Variants in PIWIL3 observed in about 807,000 individuals in gnomAD.
The protein encoded by PIWIL3 is piwi like RNA-mediated gene silencing 3, also known as piwi-like protein 3.
A neutral mutation model predicts 109.7 loss-of-function variants in PIWIL3; 101 were observed. The ratio of observed to expected loss-of-function variants is 0.92; its 90% CI spans 0.78 to 1.09. The LOEUF (loss-of-function observed/expected upper bound fraction) is 1.09. PIWIL3 is among the 50% of genes least tolerant of loss of function. The pLI, the probability that PIWIL3 is intolerant of heterozygous loss-of-function variation, is 0.00. For synonymous variants in PIWIL3, 373 were observed against 376.4 expected (o/e 0.99, Z 0.10); for missense variants, 1,031 against 1,072.6 (o/e 0.96, Z 0.54).
intron 4 of PIWIL3, 93 bp from the exon 5 acceptor site, chr22:24,756,798 G>A (rs1459117248): frequency 8.9e-7 from 1 of 1,126,508 alleles, no homozygotes; most frequent in Non-Finnish European, 1.3e-6. Context: ...CCAAAGTTAG[G>A]GCTGGGCACG....
chr22:24,729,352 C>T (rs946118009), intron 14 of PIWIL3, among the ~76,000 whole-genome samples: 17 of 152,078 alleles, frequency 1.1e-4, no homozygotes, highest in African/African-American at 2.7e-4. Flanking sequence ...CCGCAGACGA[C>T]GAGACGGTTT....
At chr22:24,741,551 C>A (rs961631300) in intron 12 of PIWIL3, among the ~76,000 whole-genome samples, 3 of 152,052 alleles carry the variant, frequency 2.0e-5, no homozygotes, top group Non-Finnish European at 4.4e-5. Context: ...CCACAAAAAA[C>A]AAACCACCTC....
intron 1 of PIWIL3, 63 bp from the exon 2 acceptor site, chr22:24,762,584 G>T (rs1925504064): frequency 1.5e-6 from 2 of 1,328,232 alleles, no homozygotes; most frequent in South Asian, 1.5e-5. Context: ...TCTCTTTAGG[G>T]TTGCTACAAC....
In PIWIL3 at chr22:24,756,231, TA is replaced by T. The variant is rs149137241; in HGVS notation, c.570+259del. ...GAAGTTTCAAAGGAAACAAATAGAA[TA>T]AAAAAAAAAGTATCCAAACTTTGTC... On this transcript the variant is annotated intron_variant, in intron 5 of 20. Transcript: ENST00000616349. 2.1e-4 allele frequency among the ~76,000 whole-genome samples: 31 copies of T among 148,944 alleles called. No homozygotes were observed. The South Asian group carries it at 2.7e-3, about 13-fold the overall frequency.
chr22:24,724,914 G>C lies in PIWIL3; in HGVS notation c.2204C>G (p.Thr735Ser), dbSNP rs144367844. The C allele has an allele frequency of 6.2e-6, 10 of 1,613,994 alleles. No homozygotes were observed. Among genetic ancestry groups the C allele is most frequent in the African/African-American group, 1.3e-5 (1 of 75,010 alleles). Residue 735 changes from threonine (T) to serine (S), a missense_variant, in exon 18 of 21, where the codon ACC (threonine) becomes AGC (serine). Thr to Ser is a moderately conservative substitution (Grantham distance 58). Coordinates refer to ENST00000616349, the MANE Select transcript of PIWIL3 (RefSeq NM_001255975.1). ...GTTAGGAGAGATGGTTTTTAAGTAG[G>C]TCGACATCTTTTTCGCTTCATGGTC... ...LLDHEAKKMS[T>S]YLKTISPNNF... is the part of the protein sequence containing the mutation.
At chr22:24,752,805 T>C (rs774836170) in intron 8 of PIWIL3, among the ~76,000 whole-genome samples, 5 of 152,178 alleles carry the variant, frequency 3.3e-5, no homozygotes, top group African/African-American at 7.2e-5. Flanking sequence ...ACGAGAGAGT[T>C]GCTTCTGATC....
At chr22:24,754,304 G>A (rs527315160) in intron 7 of PIWIL3, 87 bp from the exon 8 acceptor site, 5 of 1,044,328 alleles carry the variant, frequency 4.8e-6, no homozygotes, top group Non-Finnish European at 5.6e-6. Context: ...CTAAAAATTG[G>A]TACTTAGGAG....
chr22:24,756,972 G>A (rs1382323599), intron 4 of PIWIL3, among the ~76,000 whole-genome samples: 6 of 151,336 alleles, frequency 4.0e-5, no homozygotes, highest in East Asian at 1.9e-4. Flanking sequence ...CCAGCTACTC[G>A]GAAGGCTGAG....
At chr22:24,758,621 C>T (rs1392410403) in intron 3 of PIWIL3, among the ~76,000 whole-genome samples, 2 of 152,186 alleles carry the variant, frequency 1.3e-5, no homozygotes, top group African/African-American at 4.8e-5. Context: ...AAATCCCGTA[C>T]ACCTAAATGG....
intron 12 of PIWIL3, among the ~76,000 whole-genome samples, chr22:24,736,785 TG>T (rs1398934605): frequency 1.3e-5 from 2 of 152,200 alleles, no homozygotes; most frequent in African/African-American, 4.8e-5. Context: ...ACAGCAACTG[TG>T]AGGCTTTGCA....
intron 8 of PIWIL3, among the ~76,000 whole-genome samples, chr22:24,753,200 T>C (rs996252869): frequency 2.6e-5 from 4 of 152,144 alleles, no homozygotes; most frequent in Non-Finnish European, 5.9e-5. Flanking sequence ...CTGCTTTGAG[T>C]GGCTTATCTA....
intron 19 of PIWIL3, 27 bp downstream of exon 19, chr22:24,723,103 C>G (rs202031826): frequency 1.2e-6 from 2 of 1,604,162 alleles, no homozygotes; most frequent in East Asian, 4.5e-5. Flanking sequence ...ATCATAGAAC[C>G]ATGTGCAAAA....
rs1278000144 is a variant in PIWIL3, at chr22:24,728,216, A to G, written c.1866T>C (p.Asn622=). ...TIVTKIAQQM[N]CKMGGALWKV... ...TCCAGAGGGCTCCTCCCATCTTGCA[A>G]TTCATCTGCTGGGCAATCTTGGTGA... Residue 622 remains asparagine, a synonymous_variant, in exon 15 of 21, where the codon AAT becomes AAC. Transcript: ENST00000616349. 7 of 1,614,066 alleles carry G rather than the reference A, an allele frequency of 4.3e-6. No individual in the cohort carries two copies. The highest frequency in any genetic ancestry group is 5.1e-6 in the Non-Finnish European group (6 of 1,180,042).
intron 4 of PIWIL3, among the ~76,000 whole-genome samples, chr22:24,757,079 C>CAAAAAAAAAAAAA (rs71189275): frequency 4.0e-4 from 37 of 91,716 alleles, no homozygotes; most frequent in African/African-American, 9.0e-4. Context: ...AACTCCGTCT[C>CAAAAAAAAAAAAA]AAAAAAAAAA....
At chr22:24,726,423 C>CAG (rs1316252427) in intron 16 of PIWIL3, among the ~76,000 whole-genome samples, 3 of 152,000 alleles carry the variant, frequency 2.0e-5, no homozygotes. Context: ...GCTGGGACTA[C>CAG]AGGCGCCCAC....
chr22:24,735,628 C>A, intron 13 of PIWIL3, 80 bp downstream of exon 13: 2 of 1,354,406 alleles, frequency 1.5e-6, no homozygotes, highest in Non-Finnish European at 2.0e-6. Context: ...GTGACCAATT[C>A]CTACAATTTA....
At chr22:24,739,715 A>G (rs6004255) in intron 12 of PIWIL3, among the ~76,000 whole-genome samples, 98,529 of 151,858 alleles carry the variant, frequency 0.65, 32,398 homozygotes, top group East Asian at 0.82. Context: ...GAAAAAGAGG[A>G]ATGTTGAGGA....
rs1314980550 is a variant in PIWIL3 at position 24,756,536 on chromosome 22, T to C, written c.525A>G (p.Ile175Met). Reference protein sequence around the residue: ...QHRRKFGERHIFDGNSLLLSR... With the variant: ...QHRRKFGERHMFDGNSLLLSR... The stretch of plus-strand genomic sequence containing the variant: ...ATAATAATAAAGAGTTTCCATCAAA[T>C]ATATGGCGCTCTCCAAATTTCCTTC... Residue 175 changes from isoleucine (I) to methionine (M), a missense_variant, in exon 5 of 21, where the codon ATA (isoleucine) becomes ATG (methionine). Transcript: ENST00000616349. 6.2e-7 allele frequency: 1 copy of C among 1,614,172 alleles called. No homozygotes were observed.
intron 12 of PIWIL3, among the ~76,000 whole-genome samples, chr22:24,743,717 T>C (rs1924143858): frequency 1.3e-5 from 2 of 152,112 alleles, no homozygotes; most frequent in African/African-American, 4.8e-5. Flanking sequence ...TTCAGTACAG[T>C]GTACACTGCT....
Sources: gnomAD v4.1 joint callset for allele counts (sites outside exome capture counted in the v4.1 genomes callset) on GRCh38, gnomAD v4.1.1 for gene constraint, MANE v1.5 for transcripts, NCBI Gene and HGNC (gene_info 2026-07-23, HGNC 2026-07-21) for gene names.